SYNPO2L: variants seen among roughly 807,000 people sequenced by gnomAD.
SYNPO2L encodes synaptopodin 2-like protein.
Under a neutral mutation model 47.5 loss-of-function variants are expected in SYNPO2L, and 34 were observed. The observed-to-expected ratio is 0.72, with a 90% CI of 0.54 to 0.95. The LOEUF is 0.95. SYNPO2L is among the 40% of genes least tolerant of loss of function. The pLI is 0.00. For missense variants in SYNPO2L, 1,246 were observed against 1,282.0 expected (o/e 0.97, Z 0.43); for synonymous variants, 536 against 524.9 (o/e 1.02, Z -0.29).
In SYNPO2L at chr10:73,656,011, C is replaced by G; in HGVS notation, c.-89G>C. On this transcript the variant is annotated 5_prime_UTR_variant, in exon 1 of 4. Transcript: ENST00000394810. The stretch of plus-strand genomic sequence containing the variant: ...TCGAACCCCGTCTGGGCTTCCTGTC[C>G]GGCTGTCCTGCTCCTGCTGCCCCAG... The G allele has an allele frequency of 8.7e-7, 1 of 1,145,048 alleles. No individual in the cohort carries two copies. Among genetic ancestry groups the G allele is most frequent in the Admixed American group, 2.6e-5 (1 of 38,434 alleles). 70.9% of individuals were successfully genotyped at this position (1,145,048 alleles called of 1,614,324 possible).
Position 73,647,626 on chromosome 10 carries a change from C to G in SYNPO2L, c.2026G>C (p.Ala676Pro). Residue 676 changes from alanine to proline, a missense_variant, in exon 4 of 4, where the codon GCT (alanine) becomes CCT (proline). Transcript: ENST00000394810. ...GGAESGPEED[A>P]LSLGAEACNF... ...CAGGCTTCAGCCCCGAGGCTCAGAG[C>G]ATCTTCTTCAGGACCAGATTCTGCA... 1 of 1,614,154 alleles carries G rather than the reference C, an allele frequency of 6.2e-7. No individual in the cohort carries two copies. The highest frequency in any genetic ancestry group is 8.5e-7 in the Non-Finnish European group (1 of 1,180,014).
In SYNPO2L at chr10:73,648,105, G is replaced by T; in HGVS notation, c.1547C>A (p.Thr516Asn). ...CCCTGAAGTGAAGCTGGGCAGAGGGGTGGGCCCCTGCGAAGACAAGAAGGG... is the reference window on the plus strand; with the variant it reads ...CCCTGAAGTGAAGCTGGGCAGAGGGTTGGGCCCCTGCGAAGACAAGAAGGG... ...PPPFLSSQGP[T>N]PLPSFTSGVP... Residue 516 changes from threonine (T) to asparagine (N), a missense_variant, in exon 4 of 4, where the codon ACC (threonine) becomes AAC (asparagine). Thr to Asn is a moderately conservative substitution (Grantham distance 65). Around this residue, in one of 3 missense-constraint regions of SYNPO2L, gnomAD observed 1,037 missense variants for 1,021.5 expected, o/e 1.02. Transcript: ENST00000394810. 1.3e-6 allele frequency: 2 copies of T among 1,548,274 alleles called. No homozygotes were observed. The highest frequency in any genetic ancestry group is 1.2e-5 in the South Asian group (1 of 80,398).
chr10:73,649,963 T>C, intron 3 of SYNPO2L: 1 of 985,216 alleles, frequency 1.0e-6, no homozygotes, highest in Non-Finnish European at 1.2e-6. Context: ...TCTTCAGGGG[T>C]CAGAACTGTC....
In SYNPO2L at chr10:73,646,989, C is replaced by T. The variant is rs755041698; in HGVS notation, c.2663G>A (p.Arg888His). 1.7e-5 allele frequency: 28 copies of T among 1,612,418 alleles called. No individual in the cohort carries two copies. In the South Asian group the frequency reaches 2.5e-4, roughly 15 times the overall value. ...SPKTARVQEI[R>H]RFSTPAPQPT... ...CTGGGGTGCCGGAGTGGAAAACCGG[C>T]GAATCTCCTGGACTCGGGCAGTTTT... Residue 888 changes from arginine (R) to histidine (H), a missense_variant, in exon 4 of 4, where the codon CGC becomes CAC. By Grantham distance (29) the Arg-to-His change is conservative. Around this residue, in one of 3 missense-constraint regions of SYNPO2L, gnomAD observed 1,037 missense variants for 1,021.5 expected, o/e 1.02. Transcript: ENST00000394810.
In SYNPO2L at chr10:73,648,704, A is replaced by G. The variant is rs762655918; in HGVS notation, c.948T>C (p.Ala316=). Residue 316 remains alanine (A), a synonymous_variant, in exon 4 of 4, where the codon GCT becomes GCC. Transcript: ENST00000394810. ...CCTCCTCCTCAGCGCCTGTCCCAGC[A>G]GCAGCCCCGAAGCTCACCAGGGTGT... ...KKYTLVSFGA[A]AGTGAEEEDG... is the part of the protein sequence containing the mutation. 3 of 1,610,386 alleles carry G rather than the reference A, an allele frequency of 1.9e-6. No individual in the cohort carries two copies. In the East Asian group the frequency reaches 6.7e-5, roughly 36 times the overall value.
intron 3 of SYNPO2L, chr10:73,650,320 C>G (rs2081831217): frequency 1.1e-6 from 1 of 882,262 alleles, no homozygotes. Flanking sequence ...TGTCATTCCT[C>G]TCATCCCAGT....
Position 73,645,624 on chromosome 10 carries a change from C to T in SYNPO2L, c.*1094G>A, listed in dbSNP as rs1300176879. 2 of 986,398 alleles carry T rather than the reference C, an allele frequency of 2.0e-6. No individual in the cohort carries two copies. The highest frequency in any genetic ancestry group is 3.5e-5 in the African/African-American group (2 of 57,206). 61.1% of individuals were successfully genotyped at this position (986,398 alleles called of 1,614,324 possible). On this transcript the variant is annotated 3_prime_UTR_variant, in exon 4 of 4. Coordinates refer to ENST00000394810, the MANE Select transcript of SYNPO2L (RefSeq NM_001114133.3). ...ATTCTTTGTTCTATTCCTGGTCTAG[C>T]TGGTATAACTCAGCCCATGCAAACT...
At position 73,647,113 on chromosome 10, in the gene SYNPO2L, G is replaced by C; in HGVS notation, c.2539C>G (p.Leu847Val). 1 of 1,613,674 alleles carries C rather than the reference G, an allele frequency of 6.2e-7. No individual in the cohort carries two copies. Among genetic ancestry groups the C allele is most frequent in the East Asian group, 2.2e-5 (1 of 44,812 alleles). ...RATPKQGIKA[L>V]DFMRHQPYQL... ...TAGGGCTGATGCCGCATAAAATCTA[G>C]AGCCTTGATGCCCTGCTTGGGTGTT... The change falls in exon 4 of 4, where the codon CTA becomes GTA. Residue 847 changes from leucine to valine, a missense_variant. Leu to Val is a conservative substitution (Grantham distance 32, BLOSUM62 1). Coordinates refer to ENST00000394810, the MANE Select transcript of SYNPO2L (RefSeq NM_001114133.3).
chr10:73,646,745 C>T lies in SYNPO2L; in HGVS notation c.2907G>A (p.Val969=). ...ACTGGTGCCCTGCCCCAGGCCTCCACACATGAGCTTGCAATCCTGTTCTGG... is the reference window on the plus strand; with the variant it reads ...ACTGGTGCCCTGCCCCAGGCCTCCATACATGAGCTTGCAATCCTGTTCTGG... ...SATRTGLQAH[V]WRPGAGHQ is the part of the protein sequence containing the mutation. The change falls in exon 4 of 4, where the codon GTG becomes GTA. Residue 969 remains valine, a synonymous_variant. Transcript: ENST00000394810. 6.6e-7 allele frequency: 1 copy of T among 1,507,876 alleles called. No individual in the cohort carries two copies. Among genetic ancestry groups the T allele is most frequent in the Non-Finnish European group, 8.9e-7 (1 of 1,128,616 alleles). The allele number at this position is 1,507,876 out of a possible 1,614,324, so 93.4% of individuals were successfully genotyped here. A position where few individuals can be genotyped will look rare whatever the true frequency, so the allele number is the denominator to read the frequency against.
rs3812629 is a variant in SYNPO2L, at chr10:73,647,532, G to C, written c.2120C>G (p.Pro707Arg). 1.0e-5 allele frequency: 16 copies of C among 1,591,434 alleles called. 1 individual carries two copies. The highest frequency in any genetic ancestry group is 1.7e-4 in the Middle Eastern group (1 of 5,938). ...GGGCGGGGTCTTGGGAGCCATTGGA[G>C]GGGGGGTCTTAGGTGTCACGTGAGG... is the stretch of plus-strand genomic sequence containing the variant. ...TLPHVTPKTPPPMAPKTPPPM... is the reference protein window; with the variant it reads ...TLPHVTPKTPRPMAPKTPPPM... The change falls in exon 4 of 4, where the codon CCT becomes CGT. Residue 707 changes from proline to arginine, a missense_variant. Coordinates refer to ENST00000394810, the MANE Select transcript of SYNPO2L (RefSeq NM_001114133.3).
rs1157395002 is a variant in SYNPO2L, at chr10:73,646,814, G to A, written c.2838C>T (p.Pro946=). ...TGGCTACCTGGAAACCGCAGGAGCT[G>A]GGAGAAGCCCCAAGGCCCCTGGGAG... ...PEAPRGLGAS[P]SSCGFQVARP... is the part of the protein sequence containing the mutation. Residue 946 remains proline, a synonymous_variant, in exon 4 of 4, where the codon CCC becomes CCT. Transcript: ENST00000394810. The A allele has an allele frequency of 3.2e-6, 5 of 1,543,016 alleles. No individual in the cohort carries two copies. The highest frequency in any genetic ancestry group is 2.1e-5 in the Admixed American group (1 of 47,242).
intron 1 of SYNPO2L, 45 bp from the exon 2 acceptor site, chr10:73,654,325 G>A (rs1467802542): frequency 1.9e-6 from 3 of 1,548,312 alleles, no homozygotes; most frequent in Non-Finnish European, 2.6e-6. Context: ...GGGCTCCAAA[G>A]GGAATAGAAT....
At position 73,648,540 on chromosome 10, in the gene SYNPO2L, C is replaced by G; in HGVS notation, c.1112G>C (p.Gly371Ala). 1 of 1,614,050 alleles carries G rather than the reference C, an allele frequency of 6.2e-7. No individual in the cohort carries two copies. The highest frequency in any genetic ancestry group is 8.5e-7 in the Non-Finnish European group (1 of 1,179,916). Residue 371 changes from glycine (G) to alanine (A), a missense_variant, in exon 4 of 4, where the codon GGC becomes GCC. Physicochemically the swap from Gly to Ala is moderately conservative, Grantham distance 60. Around this residue, in one of 3 missense-constraint regions of SYNPO2L, gnomAD observed 1,037 missense variants for 1,021.5 expected, o/e 1.02. Coordinates refer to ENST00000394810, the MANE Select transcript of SYNPO2L (RefSeq NM_001114133.3). ...LARAGSRASEGQGSGLGGQLS... is the reference protein window; with the variant it reads ...LARAGSRASEAQGSGLGGQLS... Reference sequence around the variant, plus strand: ...CTGCCCTCCCAGCCCAGAGCCCTGGCCCTCTGATGCTCTTGAGCCCGCCCT... The same window carrying G: ...CTGCCCTCCCAGCCCAGAGCCCTGGGCCTCTGATGCTCTTGAGCCCGCCCT...
Position 73,655,809 on chromosome 10 carries a change from C to T in SYNPO2L, c.105+9G>A. On this transcript the variant is annotated intron_variant, in intron 1 of 3. Transcript: ENST00000394810. ...TCCCTGAAGCCTCATTTCAGGGGCTCTCCCTTACCTTAGACACCTGTAACG... is the reference window on the plus strand; with the variant it reads ...TCCCTGAAGCCTCATTTCAGGGGCTTTCCCTTACCTTAGACACCTGTAACG... The T allele has an allele frequency of 7.8e-6, 12 of 1,535,978 alleles. No homozygotes were observed. The highest frequency in any genetic ancestry group is 9.7e-6 in the Non-Finnish European group (11 of 1,137,466).
At position 73,654,236 on chromosome 10, in the gene SYNPO2L, CCT is replaced by C; in HGVS notation, c.148_149del (p.Arg50GlyfsTer50). The C allele has an allele frequency of 1.3e-6, 2 of 1,551,584 alleles. No homozygotes were observed. The highest frequency in any genetic ancestry group is 1.7e-6 in the Non-Finnish European group (2 of 1,146,960). ...SQAGRAGLRE[R>X]DQLLAINGVS... ...CCCCATTGATTGCCAAGAGCTGGTC[CCT>C]CTCTCGGAGTCCTGCTCTGCCAGCC... is the stretch of plus-strand genomic sequence containing the variant. On this transcript the variant is annotated frameshift_variant, in exon 2 of 4. Coordinates refer to ENST00000394810, the MANE Select transcript of SYNPO2L (RefSeq NM_001114133.3). LOFTEE classifies it high-confidence loss of function.
At position 73,649,846 on chromosome 10, in the gene SYNPO2L, G is replaced by GT. The variant is rs1165005140; in HGVS notation, c.773-968dup. On this transcript the variant is annotated intron_variant, in intron 3 of 3. Transcript: ENST00000394810. ...AGTCTCCATCCAAGATGCAGGAAAA[G>GT]TTAGAGTGTTGTTCTCCAAGGCAAC... 7.1e-6 allele frequency: 7 copies of GT among 985,264 alleles called. 1 individual carries two copies. The East Asian group carries it at 7.9e-4, about 112-fold the overall frequency. The allele number at this position is 985,264 out of a possible 1,614,324, so 61.0% of individuals were successfully genotyped here.
At chr10:73,653,896 G>T in intron 2 of SYNPO2L, 1 of 733,646 alleles carries the variant, frequency 1.4e-6, no homozygotes, top group East Asian at 2.7e-5. Flanking sequence ...GAGGAAACAG[G>T]CCAGGGGTTG....
At chr10:73,654,036 G>A (rs946504022) in intron 2 of SYNPO2L, 93 bp downstream of exon 2, 4 of 1,452,440 alleles carry the variant, frequency 2.8e-6, no homozygotes, top group South Asian at 2.7e-5. Context: ...ATAGGTACCT[G>A]TTAGTTGCTA....
At chr10:73,652,773 G>T (rs746176523) in intron 3 of SYNPO2L, among the ~76,000 whole-genome samples, 1 of 152,016 alleles carries the variant, frequency 6.6e-6, no homozygotes, top group Non-Finnish European at 1.5e-5. Flanking sequence ...ACCTTGCCCC[G>T]CCTTCAACCT....
Sources: allele counts gnomAD v4.1 joint callset (sites outside exome capture counted in the v4.1 genomes callset), GRCh38; gene constraint gnomAD v4.1.1; regional missense constraint gnomAD v4.1.1; transcripts MANE v1.5; gene names NCBI Gene and HGNC (gene_info 2026-07-23, HGNC 2026-07-21).